Variants in TRAPPC9 observed in about 807,000 individuals in gnomAD.
TRAPPC9 encodes trafficking protein particle complex subunit 9, also known as IKK2 binding protein.
In TRAPPC9, 83 loss-of-function variants were observed where a neutral mutation model predicts 124.0. That is an observed-to-expected ratio of 0.67 (90% CI 0.56 to 0.80). The LOEUF (loss-of-function observed/expected upper bound fraction) is 0.80, where lower values mean the gene tolerates loss of function less well. Ranked by LOEUF, TRAPPC9 falls within the 30% of genes least tolerant of loss-of-function variation. The pLI, the probability that TRAPPC9 is intolerant of heterozygous loss-of-function variation, is 0.00. For missense variants in TRAPPC9, 1,302 were observed against 1,508.3 expected, an observed-to-expected ratio of 0.86 and a Z score of 2.27; for synonymous variants, 638 against 617.5, an observed-to-expected ratio of 1.03 and a Z score of -0.49.
rs138047528 is a variant in TRAPPC9, at chr8:140,170,385, G to T, written c.2556+51074C>A. On this transcript the variant is annotated intron_variant, in intron 17 of 22. Transcript: ENST00000438773. ...AAAATGATCTTCCAAAGGCTGCTCA[G>T]CCAATAAGCAAAAGAGCCCCAACAG... Among the ~76,000 whole-genome samples, 436 of 152,302 alleles carry T rather than the reference G, an allele frequency of 2.9e-3. 2 individuals are homozygous for T. Among genetic ancestry groups the T allele is most frequent in the African/African-American group, 0.01 (422 of 41,560 alleles).
intron 17 of TRAPPC9, among the ~76,000 whole-genome samples, chr8:140,135,082 C>T (rs1448446772): frequency 2.0e-5 from 3 of 152,146 alleles, no homozygotes; most frequent in Non-Finnish European, 4.4e-5. Flanking sequence ...CATTACTAGT[C>T]ATCAAGGAAA....
At chr8:139,885,441 A>G (rs1293032982) in intron 21 of TRAPPC9, among the ~76,000 whole-genome samples, 1 of 152,176 alleles carries the variant, frequency 6.6e-6, no homozygotes. Context: ...GAGTGGGGTG[A>G]ACGCAAGGGG....
chr8:140,013,107 T>G (rs114048036), intron 18 of TRAPPC9, among the ~76,000 whole-genome samples: 3,217 of 152,110 alleles, frequency 0.021, 133 homozygotes, highest in African/African-American at 0.073. Flanking sequence ...GGACCCTAAG[T>G]GTAATGGATA....
chr8:139,889,199 C>T (rs1193246143), intron 20 of TRAPPC9, among the ~76,000 whole-genome samples: 1 of 152,202 alleles, frequency 6.6e-6, no homozygotes, highest in Admixed American at 6.5e-5. Flanking sequence ...CCAGGTACAA[C>T]AGGACAAACA....
At chr8:140,443,058 G>A (rs550962967) in intron 2 of TRAPPC9, among the ~76,000 whole-genome samples, 25 of 149,020 alleles carry the variant, frequency 1.7e-4, no homozygotes, top group East Asian at 7.9e-4. Flanking sequence ...GCTTGAACCC[G>A]GAAGGCAGAG....
Position 140,122,963 on chromosome 8 carries a change from C to G in TRAPPC9, c.2556+98496G>C, listed in dbSNP as rs116779431. Among the ~76,000 whole-genome samples the G allele has an allele frequency of 4.9e-3, 745 of 152,326 alleles. 9 individuals are homozygous for G. Among genetic ancestry groups the G allele is most frequent in the African/African-American group, 0.017 (701 of 41,574 alleles). ...CTTAATGTTTGCTGGATGTGCACAT[C>G]GAAAAGTGCTACTGGGTCCTATACA... On this transcript the variant is annotated intron_variant, in intron 17 of 22. Transcript: ENST00000438773.
chr8:140,164,684 A>G (rs2061803789), intron 17 of TRAPPC9, among the ~76,000 whole-genome samples: 1 of 152,150 alleles, frequency 6.6e-6, no homozygotes, highest in Non-Finnish European at 1.5e-5. Flanking sequence ...TCCGTGCAGC[A>G]CAGGCCCACA....
At chr8:139,881,575 T>C (rs1029383281) in intron 21 of TRAPPC9, among the ~76,000 whole-genome samples, 1 of 152,154 alleles carries the variant, frequency 6.6e-6, no homozygotes, top group African/African-American at 2.4e-5. Context: ...TGTCCTCAGA[T>C]GGCTGAAGTG....
At chr8:140,246,903 T>A (rs887344198) in intron 16 of TRAPPC9, among the ~76,000 whole-genome samples, 1 of 152,084 alleles carries the variant, frequency 6.6e-6, no homozygotes, top group African/African-American at 2.4e-5. Flanking sequence ...GAGAATCACT[T>A]GAACCCGGGA....
intron 17 of TRAPPC9, among the ~76,000 whole-genome samples, chr8:140,157,622 T>C (rs1417385280): frequency 6.6e-6 from 1 of 152,034 alleles, no homozygotes; most frequent in Non-Finnish European, 1.5e-5. Context: ...TTTCAATGAG[T>C]GAAACTCTCA....
chr8:139,993,305 A>G (rs540344186), intron 18 of TRAPPC9, among the ~76,000 whole-genome samples: 1 of 152,350 alleles, frequency 6.6e-6, no homozygotes, highest in Admixed American at 6.5e-5. Flanking sequence ...ACCAATAAAC[A>G]GGAACAGAAG....
chr8:140,347,941 C>G (rs2067400994), intron 9 of TRAPPC9, among the ~76,000 whole-genome samples: 1 of 152,204 alleles, frequency 6.6e-6, no homozygotes, highest in Non-Finnish European at 1.5e-5. Flanking sequence ...CAATGGGTGT[C>G]TTTTCCTTCA....
At chr8:140,205,836 C>T (rs2062904875) in intron 17 of TRAPPC9, among the ~76,000 whole-genome samples, 1 of 152,208 alleles carries the variant, frequency 6.6e-6, no homozygotes, top group African/African-American at 2.4e-5. Flanking sequence ...CTTGTCCTTT[C>T]ACCTCACTCT....
intron 9 of TRAPPC9, among the ~76,000 whole-genome samples, chr8:140,333,010 C>T (rs1033412863): frequency 1.3e-5 from 2 of 151,930 alleles, no homozygotes; most frequent in Non-Finnish European, 2.9e-5. Context: ...CCAGTAGTCC[C>T]AGCTACTCCA....
intron 18 of TRAPPC9, among the ~76,000 whole-genome samples, chr8:140,019,947 C>T (rs1300963860): frequency 6.6e-6 from 1 of 152,206 alleles, no homozygotes; most frequent in Non-Finnish European, 1.5e-5. Context: ...ATCCTCCTGC[C>T]TCAGCCTCCT....
chr8:140,151,435 G>A (rs1412010106), intron 17 of TRAPPC9, among the ~76,000 whole-genome samples: 2 of 152,168 alleles, frequency 1.3e-5, no homozygotes, highest in African/African-American at 4.8e-5. Flanking sequence ...TAGCTTTGGG[G>A]ACCAGAAGGC....
At chr8:140,352,576 G>C (rs917050955) in intron 9 of TRAPPC9, among the ~76,000 whole-genome samples, 1 of 152,064 alleles carries the variant, frequency 6.6e-6, no homozygotes, top group Non-Finnish European at 1.5e-5. Context: ...ATTAAACGCG[G>C]GGGAAACAGC....
rs367621599 is a variant in TRAPPC9 at position 139,885,858 on chromosome 8, G to C, written c.3055+21C>G. On this transcript the variant is annotated intron_variant, in intron 21 of 22. Coordinates refer to ENST00000438773, the MANE Select transcript of TRAPPC9 (RefSeq NM_001160372.4). ...AGGAGCACATCCACCCAGAATCGAT[G>C]GGTGGCTGGCGGGTACTCACCCCAC... 5.2e-6 allele frequency: 8 copies of C among 1,552,912 alleles called. No homozygotes were observed. The African/African-American group carries it at 1.1e-4, about 21-fold the overall frequency.
intron 19 of TRAPPC9, among the ~76,000 whole-genome samples, chr8:139,977,730 G>T (rs1836581608): frequency 6.6e-6 from 1 of 151,670 alleles, no homozygotes; most frequent in African/African-American, 2.4e-5. Context: ...GCCCAGGCTG[G>T]AGTGCAGTGG....
Sources: gnomAD v4.1 joint callset for allele counts (sites outside exome capture counted in the v4.1 genomes callset) on GRCh38, gnomAD v4.1.1 for gene constraint, MANE v1.5 for transcripts, NCBI Gene and HGNC (gene_info 2026-07-23, HGNC 2026-07-21) for gene names.